DPYD: variants seen among roughly 807,000 people sequenced by gnomAD.
DPYD encodes the protein dihydropyrimidine dehydrogenase [NADP(+)].
In DPYD, 109 loss-of-function variants were observed where a neutral mutation model predicts 116.2. That is an observed-to-expected ratio of 0.94 (90% CI 0.80 to 1.10). The LOEUF is 1.10. Among genes scored for constraint, DPYD ranks in the 50% least tolerant of loss-of-function variants. The pLI is 0.00. For missense variants in DPYD, 1,302 were observed against 1,254.5 expected (o/e 1.04, Z -0.57); for synonymous variants, 440 against 432.0 (o/e 1.02, Z -0.23).
chr1:97,416,245 A>G (rs1382685360), intron 14 of DPYD, among the ~76,000 whole-genome samples: 2 of 152,192 alleles, frequency 1.3e-5, no homozygotes, highest in Non-Finnish European at 2.9e-5. Flanking sequence ...GTGTCATTCC[A>G]TTTGCCAACA....
chr1:97,880,004 T>C (rs1438240046), intron 2 of DPYD, among the ~76,000 whole-genome samples: 1 of 151,510 alleles, frequency 6.6e-6, no homozygotes, highest in African/African-American at 2.4e-5. Context: ...ATAAGAAACA[T>C]ATAGCCTATA....
chr1:97,093,184 C>G (rs1650008495), intron 21 of DPYD, among the ~76,000 whole-genome samples: 1 of 152,016 alleles, frequency 6.6e-6, no homozygotes, highest in African/African-American at 2.4e-5. Flanking sequence ...AGTGTGATTC[C>G]TTAATATCTG....
intron 2 of DPYD, among the ~76,000 whole-genome samples, chr1:97,838,739 G>A (rs1344272375): frequency 6.6e-6 from 1 of 152,176 alleles, no homozygotes; most frequent in Non-Finnish European, 1.5e-5. Flanking sequence ...CAGGTACTTG[G>A]GAGGCTGAGG....
chr1:97,228,791 C>T (rs908445564), intron 19 of DPYD, among the ~76,000 whole-genome samples: 9 of 151,986 alleles, frequency 5.9e-5, no homozygotes, highest in East Asian at 1.9e-4. Flanking sequence ...GAACAGAATT[C>T]GGTTGGGCAA....
intron 12 of DPYD, among the ~76,000 whole-genome samples, chr1:97,523,255 CT>C (rs1471610187): frequency 4.6e-5 from 7 of 152,164 alleles, no homozygotes; most frequent in Non-Finnish European, 1.0e-4. Context: ...GCAACCTTTC[CT>C]TTTTAGAAGT....
In DPYD at chr1:97,450,340, A is replaced by G. The variant is rs933388884; in HGVS notation, c.1741-117T>C. 2.1e-5 allele frequency: 23 copies of G among 1,082,980 alleles called. No homozygotes were observed. In the African/African-American group the frequency reaches 3.4e-4, roughly 16 times the overall value. 67.1% of individuals were successfully genotyped at this position (1,082,980 alleles called of 1,614,324 possible). ...GAGGTCCCTTCTCACATTTTTGCAG[A>G]GGAATTTTTAATATACATTAAATTA... On this transcript the variant is annotated intron_variant, in intron 13 of 22. Transcript: ENST00000370192.
At chr1:97,637,403 A>C (rs983088438) in intron 8 of DPYD, among the ~76,000 whole-genome samples, 8 of 152,112 alleles carry the variant, frequency 5.3e-5, no homozygotes, top group Non-Finnish European at 1.2e-4. Flanking sequence ...TCCTTTATGC[A>C]TATGAATAAA....
chr1:97,725,859 GT>G (rs1026555915), intron 4 of DPYD, among the ~76,000 whole-genome samples: 1 of 151,178 alleles, frequency 6.6e-6, no homozygotes, highest in Non-Finnish European at 1.5e-5. Context: ...AAGTATGGAG[GT>G]TTTTTTTAGC....
At position 97,762,847 on chromosome 1, in the gene DPYD, T is replaced by C. The variant is rs1313408396; in HGVS notation, c.234-22368A>G. On this transcript the variant is annotated intron_variant, in intron 3 of 22. Coordinates refer to ENST00000370192, the MANE Select transcript of DPYD (RefSeq NM_000110.4). ...AGTAGAAATAGCAGTCTCTTAAAAG[T>C]AAAATGGACTTAGATTCAAATCCTG... 2.6e-5 allele frequency among the ~76,000 whole-genome samples: 4 copies of C among 152,086 alleles called. 1 individual carries two copies. The highest frequency in any genetic ancestry group is 2.0e-4 in the Admixed American group (3 of 15,250).
chr1:97,083,033 T>C (rs1649271072), intron 21 of DPYD, among the ~76,000 whole-genome samples: 1 of 152,170 alleles, frequency 6.6e-6, no homozygotes, highest in Non-Finnish European at 1.5e-5. Flanking sequence ...TTTATGTTAA[T>C]CGCTTAGGTT....
chr1:97,236,489 A>G (rs181651852), intron 18 of DPYD, among the ~76,000 whole-genome samples: 9 of 152,364 alleles, frequency 5.9e-5, no homozygotes, highest in Admixed American at 5.9e-4. Context: ...ATATGATTCC[A>G]ACTATATGAC....
chr1:97,616,594 A>G (rs2100760027), intron 8 of DPYD, among the ~76,000 whole-genome samples: 1 of 152,272 alleles, frequency 6.6e-6, no homozygotes, highest in South Asian at 2.1e-4. Flanking sequence ...AATATTATAA[A>G]CCCAAGAATC....
chr1:97,883,179 A>C (rs569674546), intron 2 of DPYD, 85 bp downstream of exon 2: 1 of 852,320 alleles, frequency 1.2e-6, no homozygotes, highest in Admixed American at 1.9e-5. Flanking sequence ...TTAATACCTT[A>C]TTTCTAAGTG....
chr1:97,526,100 T>C (rs898730496), intron 12 of DPYD, among the ~76,000 whole-genome samples: 2 of 151,980 alleles, frequency 1.3e-5, no homozygotes, highest in Non-Finnish European at 1.5e-5. Context: ...TAGAGCATTT[T>C]TCTCCCTACT....
At chr1:97,082,592 G>A (rs1039766938) in intron 21 of DPYD, 122 bp from the exon 22 acceptor site, 17 of 1,166,232 alleles carry the variant, frequency 1.5e-5, no homozygotes, top group Non-Finnish European at 2.0e-5. Context: ...TGGGAGACTG[G>A]ATAGTATAAT....
chr1:97,714,655 C>CAAAAA (rs1193831747), intron 5 of DPYD, among the ~76,000 whole-genome samples: 12 of 49,892 alleles, frequency 2.4e-4, no homozygotes, highest in African/African-American at 2.9e-4. Flanking sequence ...AAAGAAAAGA[C>CAAAAA]AAAAAAAAAA....
In DPYD at chr1:97,480,114, T is replaced by C. The variant is rs534973510; in HGVS notation, c.1741-29891A>G. On this transcript the variant is annotated intron_variant, in intron 13 of 22. Coordinates refer to ENST00000370192, the MANE Select transcript of DPYD (RefSeq NM_000110.4). ...AGCAAGGTGTAATGTGTTGAAACTT[T>C]TTAAGAAAAATAATTTTTTTTTACT... Among the ~76,000 whole-genome samples the C allele has an allele frequency of 3.8e-4, 58 of 152,296 alleles. 1 individual carries two copies. The South Asian group carries it at 0.011, about 29-fold the overall frequency.
At chr1:97,732,000 T>C (rs1010958752) in intron 4 of DPYD, among the ~76,000 whole-genome samples, 2 of 152,186 alleles carry the variant, frequency 1.3e-5, no homozygotes, top group Non-Finnish European at 2.9e-5. Flanking sequence ...CATATAAAAC[T>C]GGCTTAAGAT....
intron 18 of DPYD, among the ~76,000 whole-genome samples, chr1:97,266,783 G>C (rs1461704615): frequency 1.3e-5 from 2 of 152,010 alleles, no homozygotes; most frequent in Non-Finnish European, 2.9e-5. Flanking sequence ...TGGGGTGTTT[G>C]GTTTTTTGGC....
Sources: gnomAD v4.1 joint callset for allele counts (sites outside exome capture counted in the v4.1 genomes callset) on GRCh38, gnomAD v4.1.1 for gene constraint, MANE v1.5 for transcripts, NCBI Gene and HGNC (gene_info 2026-07-23, HGNC 2026-07-21) for gene names.